ABCA12: variants seen among roughly 807,000 people sequenced by gnomAD.
The protein encoded by ABCA12 is glucosylceramide transporter ABCA12.
In ABCA12, 156 loss-of-function variants were observed where a neutral mutation model predicts 293.5. The observed-to-expected ratio is 0.53, with a 90% CI of 0.47 to 0.61. The LOEUF (loss-of-function observed/expected upper bound fraction) is 0.61, where lower values mean the gene tolerates loss of function less well. Among genes scored for constraint, ABCA12 ranks in the 20% least tolerant of loss-of-function variants. ABCA12 has a pLI of 0.00. For synonymous variants in ABCA12, 1,063 were observed against 1,108.0 expected (o/e 0.96, Z 0.81); for missense variants, 2,797 against 3,090.2 (o/e 0.91, Z 2.25).
chr2:215,095,966 T>G (rs1702241136), intron 2 of ABCA12, among the ~76,000 whole-genome samples: 1 of 152,162 alleles, frequency 6.6e-6, no homozygotes, highest in African/African-American at 2.4e-5. Context: ...TGCACCCAGG[T>G]GATTAAAAGC....
intron 36 of ABCA12, among the ~76,000 whole-genome samples, chr2:214,972,271 T>C (rs999892464): frequency 1.3e-5 from 2 of 152,222 alleles, no homozygotes; most frequent in African/African-American, 4.8e-5. Flanking sequence ...TTTATCCATA[T>C]TGTATGTCTG....
At chr2:215,003,849 G>T (rs1210500522) in intron 20 of ABCA12, among the ~76,000 whole-genome samples, 2 of 151,960 alleles carry the variant, frequency 1.3e-5, no homozygotes, top group Admixed American at 6.6e-5. Flanking sequence ...TGTATTTTTA[G>T]TAGAGATAGG....
chr2:215,075,862 G>A lies in ABCA12; in HGVS notation c.164-11643C>T, dbSNP rs1305464677. On this transcript the variant is annotated intron_variant, in intron 2 of 52. Coordinates refer to ENST00000272895, the MANE Select transcript of ABCA12 (RefSeq NM_173076.3). ...CTAAAAGCCAGTGAAATTTATTGCT[G>A]GGATCATTGTATGGAAAAAAAATAG... 3 of 383,436 alleles carry A rather than the reference G, an allele frequency of 7.8e-6. No homozygotes were observed. The East Asian group carries it at 1.4e-4, about 18-fold the overall frequency. The allele number at this position is 383,436 out of a possible 1,614,324, so 23.8% of individuals were successfully genotyped here.
At position 214,937,539 on chromosome 2, in the gene ABCA12, G is replaced by T; in HGVS notation, c.7513C>A (p.Gln2505Lys). ...AAGTATGTTTTTGGAAAGTGCAGCT[G>T]CATGAACTTTGTGAGGGTCTCCATG... The part of the protein sequence containing the change: ...VTMETLTKFM[Q>K]LHFPKTYLKD... Residue 2505 changes from glutamine (Q) to lysine (K), a missense_variant, in exon 51 of 53, where the codon CAG becomes AAG. This residue lies in a region of ABCA12 where 2,130 missense variants were observed against 2,427.0 expected (regional missense o/e 0.88). Coordinates refer to ENST00000272895, the MANE Select transcript of ABCA12 (RefSeq NM_173076.3). 6.2e-7 allele frequency: 1 copy of T among 1,613,794 alleles called. No homozygotes were observed.
intron 2 of ABCA12, among the ~76,000 whole-genome samples, chr2:215,074,137 C>G (rs944786361): frequency 6.6e-6 from 1 of 152,126 alleles, no homozygotes; most frequent in Non-Finnish European, 1.5e-5. Context: ...ATGGGGCACA[C>G]TTTGGAAAAC....
intron 1 of ABCA12, among the ~76,000 whole-genome samples, chr2:215,136,462 T>C (rs1453993435): frequency 6.6e-6 from 1 of 152,164 alleles, no homozygotes; most frequent in Non-Finnish European, 1.5e-5. Context: ...TTGGGTGTTT[T>C]TTTTTCCTAT....
chr2:215,038,007 G>C (rs764861980), intron 7 of ABCA12, among the ~76,000 whole-genome samples: 17 of 152,042 alleles, frequency 1.1e-4, no homozygotes, highest in Non-Finnish European at 2.4e-4. Context: ...GCAATAGATA[G>C]TATTTGTGTA....
At chr2:215,077,334 G>A (rs1701853790) in intron 2 of ABCA12, among the ~76,000 whole-genome samples, 1 of 152,214 alleles carries the variant, frequency 6.6e-6, no homozygotes, top group South Asian at 2.1e-4. Flanking sequence ...TCATTACAAT[G>A]TAAGCTTACC....
chr2:214,940,374 T>C (rs1018527187), intron 50 of ABCA12, among the ~76,000 whole-genome samples: 1 of 152,220 alleles, frequency 6.6e-6, no homozygotes, highest in Non-Finnish European at 1.5e-5. Flanking sequence ...GCCAGTATTT[T>C]ACTGAGGATT....
At chr2:215,093,472 C>T (rs909515763) in intron 2 of ABCA12, among the ~76,000 whole-genome samples, 1 of 152,296 alleles carries the variant, frequency 6.6e-6, no homozygotes, top group African/African-American at 2.4e-5. Context: ...CTCATCCCAA[C>T]TCTTTTTCAT....
intron 1 of ABCA12, among the ~76,000 whole-genome samples, chr2:215,120,632 A>G (rs1702787422): frequency 6.6e-6 from 1 of 152,194 alleles, no homozygotes; most frequent in Admixed American, 6.5e-5. Flanking sequence ...AGGAACAGAA[A>G]TAAGTCCAGA....
chr2:215,039,489 C>A (rs1018010462), intron 7 of ABCA12, among the ~76,000 whole-genome samples: 1 of 152,192 alleles, frequency 6.6e-6, no homozygotes, highest in Non-Finnish European at 1.5e-5. Context: ...GGCGCAGTGG[C>A]TCATGCCTGT....
chr2:214,954,449 G>C (rs1325773763), intron 43 of ABCA12, among the ~76,000 whole-genome samples: 4 of 152,134 alleles, frequency 2.6e-5, no homozygotes, highest in Non-Finnish European at 5.9e-5. Context: ...GCCTGAGGGA[G>C]GGAGGTACTT....
intron 2 of ABCA12, among the ~76,000 whole-genome samples, chr2:215,108,006 A>T (rs1702497146): frequency 1.3e-5 from 2 of 152,188 alleles, no homozygotes; most frequent in Non-Finnish European, 2.9e-5. Flanking sequence ...CAAGGGCATG[A>T]GTGCAGGATT....
intron 1 of ABCA12, among the ~76,000 whole-genome samples, chr2:215,119,981 C>G (rs931184371): frequency 3.9e-5 from 6 of 152,052 alleles, no homozygotes; most frequent in Non-Finnish European, 8.8e-5. Flanking sequence ...ACTCACCATG[C>G]TACTCACAAT....
In ABCA12 at chr2:214,970,353, T is replaced by G; in HGVS notation, c.5610A>C (p.Ser1870=). 1 of 1,613,244 alleles carries G rather than the reference T, an allele frequency of 6.2e-7. No individual in the cohort carries two copies. Among genetic ancestry groups the G allele is most frequent in the Non-Finnish European group, 8.5e-7 (1 of 1,179,390 alleles). ...CAGTGAGGTTATAAATTACCTGGGATGAGTAAGTTCTTCTGTGCGGTGGGG... is the reference window on the plus strand; with the variant it reads ...CAGTGAGGTTATAAATTACCTGGGAGGAGTAAGTTCTTCTGTGCGGTGGGG... ...NYSPPHRRTY[S]SQVIYNLTGQ... Residue 1870 remains serine, a synonymous_variant, in exon 37 of 53, where the codon TCA becomes TCC. Transcript: ENST00000272895.
At chr2:215,042,552 T>G (rs888822657) in intron 7 of ABCA12, among the ~76,000 whole-genome samples, 7 of 152,288 alleles carry the variant, frequency 4.6e-5, no homozygotes, top group African/African-American at 1.4e-4. Context: ...CAGCCTCTTG[T>G]AAGTTTTATT....
At chr2:215,069,725 GA>G (rs2106080466) in intron 2 of ABCA12, among the ~76,000 whole-genome samples, 1 of 152,240 alleles carries the variant, frequency 6.6e-6, no homozygotes, top group South Asian at 2.1e-4. Context: ...AGTTCTTCCT[GA>G]TTCCAGTCCC....
chr2:215,100,086 C>T (rs1244977586), intron 2 of ABCA12, among the ~76,000 whole-genome samples: 1 of 151,916 alleles, frequency 6.6e-6, no homozygotes, highest in Non-Finnish European at 1.5e-5. Flanking sequence ...ACAATCATGG[C>T]TCACTGCAGC....
Sources: allele counts gnomAD v4.1 joint callset (sites outside exome capture counted in the v4.1 genomes callset), GRCh38; gene constraint gnomAD v4.1.1; regional missense constraint gnomAD v4.1.1; transcripts MANE v1.5; gene names NCBI Gene and HGNC (gene_info 2026-07-23, HGNC 2026-07-21).